TENM3: variants seen among roughly 807,000 people sequenced by gnomAD.
TENM3 encodes the protein teneurin transmembrane protein 3, also known as teneurin-3.
Under a neutral mutation model 255.1 loss-of-function variants are expected in TENM3, and 63 were observed. That is an observed-to-expected ratio of 0.25 (90% CI 0.20 to 0.30). TENM3 has a LOEUF of 0.30. TENM3 is among the 10% of genes least tolerant of loss of function. TENM3 has a pLI of 1.00. For synonymous variants in TENM3, 1,306 were observed against 1,322.3 expected, an observed-to-expected ratio of 0.99 and a Z score of 0.27; for missense variants, 2,929 against 3,461.1, an observed-to-expected ratio of 0.85 and a Z score of 3.86.
At chr4:182,375,072 A>G (rs576739368) in intron 3 of TENM3, among the ~76,000 whole-genome samples, 10 of 152,152 alleles carry the variant, frequency 6.6e-5, no homozygotes, top group African/African-American at 2.2e-4. Context: ...AATCCTTCCA[A>G]TCTTTCAAGG....
chr4:182,628,640 C>G lies in TENM3; in HGVS notation c.750-11C>G. Reference sequence around the variant, plus strand: ...ATTTGTATCTTATAATGATATTCTCCTTTTCCACAGGCATTTCCTATTCAA... The same window carrying G: ...ATTTGTATCTTATAATGATATTCTCGTTTTCCACAGGCATTTCCTATTCAA... On this transcript the variant is annotated splice_polypyrimidine_tract_variant and intron_variant, in intron 4 of 27. Coordinates refer to ENST00000511685, the MANE Select transcript of TENM3 (RefSeq NM_001080477.4). 6.6e-7 allele frequency: 1 copy of G among 1,518,472 alleles called. No homozygotes were observed. Among genetic ancestry groups the G allele is most frequent in the South Asian group, 1.2e-5 (1 of 83,860 alleles). 94.1% of individuals were successfully genotyped at this position (1,518,472 alleles called of 1,614,324 possible).
At position 182,641,533 on chromosome 4, in the gene TENM3, T is replaced by G. The variant is rs543911107; in HGVS notation, c.989-12238T>G. 1.7e-4 allele frequency among the ~76,000 whole-genome samples: 21 copies of G among 122,924 alleles called. No individual in the cohort carries two copies. The East Asian group carries it at 2.7e-3, about 16-fold the overall frequency. 80.6% of individuals were successfully genotyped at this position (122,924 alleles called of 152,430 possible). The stretch of plus-strand genomic sequence containing the variant: ...AGTAGTATGCAGTTTTTTTTTGTTG[T>G]TTTTTTTTTTTTGAGACAGAGTCTT... On this transcript the variant is annotated intron_variant, in intron 5 of 27. Coordinates refer to ENST00000511685, the MANE Select transcript of TENM3 (RefSeq NM_001080477.4).
Position 182,231,363 on chromosome 4 carries a change from C to CA in TENM3, c.-76+86617dup, listed in dbSNP as rs200324724. On this transcript the variant is annotated intron_variant, in intron 1 of 2. Transcript: ENST00000512480. ...GTCAACTTAGATAACCCCAGGAGAACAAAAAAAAGGAACGCGTAGAGGTAT... is the reference window on the plus strand; with the variant it reads ...GTCAACTTAGATAACCCCAGGAGAACAAAAAAAAAGGAACGCGTAGAGGTAT... Among the ~76,000 whole-genome samples, 466 of 151,398 alleles carry CA rather than the reference C, an allele frequency of 3.1e-3. 2 individuals are homozygous for CA. The highest frequency in any genetic ancestry group is 0.014 in the Middle Eastern group (4 of 294).
intron 12 of TENM3, among the ~76,000 whole-genome samples, 180 bp downstream of exon 12, chr4:182,688,531 A>G (rs1756770896): frequency 6.6e-6 from 1 of 152,210 alleles, no homozygotes; most frequent in Non-Finnish European, 1.5e-5. Flanking sequence ...TTCTTTTTAG[A>G]ACAGCTGTCA....
At chr4:181,452,022 G>A in the TENM3 span, among the ~76,000 whole-genome samples, 285 of 152,112 alleles carry the variant, frequency 1.9e-3, 1 homozygote, top group African/African-American at 6.5e-3. Flanking sequence ...CTGGAGAGTC[G>A]GCAACATGGA....
intron 19 of TENM3, among the ~76,000 whole-genome samples, chr4:182,745,389 T>C (rs2152739371): frequency 6.6e-6 from 1 of 152,342 alleles, no homozygotes; most frequent in African/African-American, 2.4e-5. Flanking sequence ...TCTTGTTTTC[T>C]TGGTAGCTGT....
At chr4:181,711,424 C>T in the TENM3 span, among the ~76,000 whole-genome samples, 3 of 152,118 alleles carry the variant, frequency 2.0e-5, no homozygotes, top group African/African-American at 7.2e-5. Context: ...TTTCTAGACC[C>T]AAGTGTTTTA....
intron 22 of TENM3, among the ~76,000 whole-genome samples, chr4:182,764,368 T>C (rs1763490145): frequency 1.3e-5 from 2 of 152,178 alleles, no homozygotes; most frequent in Admixed American, 6.5e-5. Context: ...CATTCCCTGC[T>C]CTCAAGGAGC....
the TENM3 span, among the ~76,000 whole-genome samples, chr4:181,843,704 G>A: frequency 1.3e-5 from 2 of 148,988 alleles, no homozygotes; most frequent in African/African-American, 4.9e-5. Flanking sequence ...CACCGCCTCT[G>A]GTAAGGGCCT....
the TENM3 span, among the ~76,000 whole-genome samples, chr4:181,515,467 C>T: frequency 1.3e-5 from 2 of 152,040 alleles, no homozygotes; most frequent in Non-Finnish European, 2.9e-5. Context: ...AAAGGCCTAT[C>T]TTTAGCACAC....
chr4:182,480,146 TC>T (rs34813656), intron 3 of TENM3, among the ~76,000 whole-genome samples: 1 of 152,042 alleles, frequency 6.6e-6, no homozygotes, highest in East Asian at 1.9e-4. Flanking sequence ...AAAGTGGTTT[TC>T]CAGATATCAC....
intron 4 of TENM3, among the ~76,000 whole-genome samples, chr4:182,609,406 A>C: frequency 6.6e-6 from 1 of 152,162 alleles, no homozygotes; most frequent in East Asian, 1.9e-4. Context: ...CTTCTCCACT[A>C]ATTTCAAACC....
the TENM3 span, among the ~76,000 whole-genome samples, chr4:181,745,216 C>T: frequency 1.3e-5 from 2 of 151,902 alleles, no homozygotes; most frequent in African/African-American, 2.4e-5. Flanking sequence ...TGTAAAATCC[C>T]GTCATTATGT....
intron 3 of TENM3, among the ~76,000 whole-genome samples, chr4:182,593,126 T>C (rs1581041926): frequency 6.6e-6 from 1 of 152,320 alleles, no homozygotes; most frequent in South Asian, 2.1e-4. Flanking sequence ...CAACCTAGAT[T>C]ACCTGACAAC....
At chr4:182,141,568 C>G (rs1055387777), upstream of TENM3, 3 of 152,314 alleles carry the variant, frequency 2.0e-5, no homozygotes, top group African/African-American at 7.2e-5. Context: ...TAGAGGAGGA[C>G]CCCTGCGCGC....
chr4:181,483,408 T>G, the TENM3 span, among the ~76,000 whole-genome samples: 1 of 152,164 alleles, frequency 6.6e-6, no homozygotes, highest in African/African-American at 2.4e-5. Flanking sequence ...TCGTAGTCAT[T>G]CTGTGGATTA....
At chr4:182,713,973 A>G (rs1463828899) in intron 12 of TENM3, 114 bp from the exon 13 acceptor site, 3 of 756,640 alleles carry the variant, frequency 4.0e-6, no homozygotes, top group Non-Finnish European at 6.6e-6. Flanking sequence ...GTGCAATTAC[A>G]GTATTTGTGC....
chr4:181,839,979 A>C, the TENM3 span, among the ~76,000 whole-genome samples: 84,797 of 151,788 alleles, frequency 0.56, 25,031 homozygotes, highest in East Asian at 0.74. Flanking sequence ...ATGTTGCTTC[A>C]GTCATTTTCT....
chr4:181,741,058 A>G, the TENM3 span, among the ~76,000 whole-genome samples: 1 of 152,226 alleles, frequency 6.6e-6, no homozygotes, highest in Non-Finnish European at 1.5e-5. Flanking sequence ...TTTTAGCATC[A>G]AGGCTGTCTT....
Sources: gnomAD v4.1 joint callset for allele counts (sites outside exome capture counted in the v4.1 genomes callset) on GRCh38, gnomAD v4.1.1 for gene constraint, MANE v1.5 for transcripts, NCBI Gene and HGNC (gene_info 2026-07-23, HGNC 2026-07-21) for gene names.